The following TRABD2B variants were observed in gnomAD, a reference collection of about 807,000 sequenced individuals.
TRABD2B encodes metalloprotease TIKI2.
Under a neutral mutation model 40.1 loss-of-function variants are expected in TRABD2B, and 14 were observed. The observed-to-expected ratio is 0.35, with a 90% CI of 0.23 to 0.55. The LOEUF (loss-of-function observed/expected upper bound fraction) is 0.55, where lower values mean the gene tolerates loss of function less well. Among genes scored for constraint, TRABD2B ranks in the 20% least tolerant of loss-of-function variants. The probability of loss-of-function intolerance (pLI) is 0.90; values close to 1 mark genes in which losing one functional copy is unlikely to be tolerated. For synonymous variants in TRABD2B, 263 were observed against 277.0 expected (o/e 0.95, Z 0.50); for missense variants, 541 against 648.6 (o/e 0.83, Z 1.80).
chr1:47,936,862 T>TCAC (rs146188972), intron 2 of TRABD2B, among the ~76,000 whole-genome samples: 1 of 151,408 alleles, frequency 6.6e-6, no homozygotes, highest in African/African-American at 2.4e-5. Flanking sequence ...ATCATCATCA[T>TCAC]CACCACCACC....
intron 2 of TRABD2B, among the ~76,000 whole-genome samples, chr1:47,933,641 T>C (rs1198916769): frequency 6.6e-6 from 1 of 152,216 alleles, no homozygotes; most frequent in Non-Finnish European, 1.5e-5. Flanking sequence ...TCTAGTCCTA[T>C]GTAGGTGCCC....
At chr1:47,785,134 T>G (rs1370694174) in intron 4 of TRABD2B, among the ~76,000 whole-genome samples, 1 of 152,110 alleles carries the variant, frequency 6.6e-6, no homozygotes, top group Non-Finnish European at 1.5e-5. Flanking sequence ...TGGGTTGCAG[T>G]AACATAAAGT....
chr1:47,846,399 T>C (rs1645470468), intron 2 of TRABD2B, among the ~76,000 whole-genome samples: 1 of 152,068 alleles, frequency 6.6e-6, no homozygotes, highest in Non-Finnish European at 1.5e-5. Flanking sequence ...GCTGATGTGG[T>C]AGAAGTGATA....
intron 2 of TRABD2B, among the ~76,000 whole-genome samples, chr1:47,842,641 G>A (rs1473462730): frequency 6.6e-6 from 1 of 152,158 alleles, no homozygotes; most frequent in Non-Finnish European, 1.5e-5. Flanking sequence ...TGGGCAAGTG[G>A]CTTACTTCTC....
chr1:47,875,985 T>C (rs751498882), intron 2 of TRABD2B, among the ~76,000 whole-genome samples: 9 of 152,218 alleles, frequency 5.9e-5, no homozygotes, highest in African/African-American at 2.2e-4. Flanking sequence ...AAAATGAACA[T>C]GTGAAAGAAC....
chr1:47,796,260 T>C (rs563621353), intron 3 of TRABD2B, among the ~76,000 whole-genome samples: 1 of 152,274 alleles, frequency 6.6e-6, no homozygotes, highest in South Asian at 2.1e-4. Context: ...CATTCCAACC[T>C]CCAAGCTCCT....
rs58609547 is a variant in TRABD2B, at chr1:47,991,718, C to G, written c.666+2316G>C. ...TAAGCCTTATTTTTCCCGCCTTCTTCTCTCACTGTCTCCCCAACCCAAATA... is the reference window on the plus strand; with the variant it reads ...TAAGCCTTATTTTTCCCGCCTTCTTGTCTCACTGTCTCCCCAACCCAAATA... On this transcript the variant is annotated intron_variant, in intron 2 of 6. Transcript: ENST00000606738. 1.6e-3 allele frequency among the ~76,000 whole-genome samples: 243 copies of G among 150,800 alleles called. 1 individual carries two copies. The highest frequency in any genetic ancestry group is 5.9e-3 in the African/African-American group (238 of 40,106).
intron 4 of TRABD2B, among the ~76,000 whole-genome samples, chr1:47,787,678 C>A (rs1644615013): frequency 6.6e-6 from 1 of 152,194 alleles, no homozygotes; most frequent in South Asian, 2.1e-4. Context: ...CAGTCTCCCA[C>A]CATGGGGGCA....
chr1:47,909,456 G>C (rs1441384002), intron 2 of TRABD2B, among the ~76,000 whole-genome samples: 1 of 140,606 alleles, frequency 7.1e-6, no homozygotes, highest in Non-Finnish European at 1.5e-5. Context: ...GAAGAAGAAG[G>C]AGAAGGAGAA....
At chr1:47,910,806 A>G (rs1206777117) in intron 2 of TRABD2B, among the ~76,000 whole-genome samples, 2 of 152,160 alleles carry the variant, frequency 1.3e-5, no homozygotes, top group Non-Finnish European at 2.9e-5. Context: ...TTTCCATAGT[A>G]ATAAAACTCC....
chr1:47,817,814 T>C (rs1245409059), intron 2 of TRABD2B, among the ~76,000 whole-genome samples: 1 of 152,110 alleles, frequency 6.6e-6, no homozygotes. Flanking sequence ...ACCGAAGCTG[T>C]CCAGAGCCGC....
intron 2 of TRABD2B, among the ~76,000 whole-genome samples, chr1:47,913,506 G>A (rs947898350): frequency 3.3e-5 from 5 of 152,194 alleles, no homozygotes; most frequent in Non-Finnish European, 7.3e-5. Context: ...TTTGTCCCCA[G>A]ACAAAGGTGT....
At chr1:47,794,790 G>A in intron 3 of TRABD2B, 30 bp from the exon 4 acceptor site, 2 of 1,144,848 alleles carry the variant, frequency 1.7e-6, no homozygotes, top group Non-Finnish European at 2.2e-6. Context: ...GCTGCCTTCA[G>A]TTTTTTTTTT....
chr1:47,965,157 A>G (rs1645579752), intron 2 of TRABD2B, among the ~76,000 whole-genome samples: 1 of 132,190 alleles, frequency 7.6e-6, no homozygotes, highest in Admixed American at 8.3e-5. Flanking sequence ...TTTCAACCAA[A>G]GCCACTAGGG....
chr1:47,956,913 TGG>T (rs1645431644), intron 2 of TRABD2B, among the ~76,000 whole-genome samples: 2 of 152,210 alleles, frequency 1.3e-5, no homozygotes, highest in Non-Finnish European at 2.9e-5. Context: ...CCTCCTCAAG[TGG>T]GTCCCTGACC....
chr1:47,957,701 G>C (rs923083811), intron 2 of TRABD2B, among the ~76,000 whole-genome samples: 1 of 152,068 alleles, frequency 6.6e-6, no homozygotes, highest in African/African-American at 2.4e-5. Flanking sequence ...AAGAAATATG[G>C]GACTATGTGA....
At chr1:47,844,595 T>C (rs1052356411) in intron 2 of TRABD2B, among the ~76,000 whole-genome samples, 18 of 152,140 alleles carry the variant, frequency 1.2e-4, no homozygotes, top group African/African-American at 4.3e-4. Flanking sequence ...ACCCAAGAGA[T>C]GGGCAGACGC....
rs116049207 is a variant in TRABD2B, at chr1:47,936,010, T to C, written c.666+58024A>G. 3.8e-3 allele frequency among the ~76,000 whole-genome samples: 584 copies of C among 152,340 alleles called. 7 individuals are homozygous for C. The highest frequency in any genetic ancestry group is 0.013 in the African/African-American group (539 of 41,580). ...AAAATAGAGCTAAGAGCTGCTGCCT[T>C]GCAGGGCTGTTAAGCGTAGTAAACA... On this transcript the variant is annotated intron_variant, in intron 2 of 6. Coordinates refer to ENST00000606738, the MANE Select transcript of TRABD2B (RefSeq NM_001194986.2).
At chr1:47,831,597 C>T (rs1160622136) in intron 2 of TRABD2B, among the ~76,000 whole-genome samples, 3 of 152,130 alleles carry the variant, frequency 2.0e-5, no homozygotes, top group African/African-American at 7.2e-5. Context: ...TGATCACTCC[C>T]CCCTCTCTTT....
Sources: allele counts gnomAD v4.1 joint callset (sites outside exome capture counted in the v4.1 genomes callset), GRCh38; gene constraint gnomAD v4.1.1; transcripts MANE v1.5; gene names NCBI Gene and HGNC (gene_info 2026-07-23, HGNC 2026-07-21).